MTOR: variants seen among roughly 807,000 people sequenced by gnomAD.
MTOR encodes the protein mechanistic target of rapamycin kinase.
Under a neutral mutation model 319.8 loss-of-function variants are expected in MTOR, and 70 were observed. The observed-to-expected ratio is 0.22, with a 90% confidence interval of 0.18 to 0.27. The LOEUF is 0.27. Ranked by LOEUF, MTOR falls within the 10% of genes least tolerant of loss-of-function variation. The pLI is 1.00. For synonymous variants in MTOR, 1,183 were observed against 1,211.4 expected (o/e 0.98, Z 0.49); for missense variants, 1,890 against 3,274.4 (o/e 0.58, Z 10.32).
Position 11,128,215 on chromosome 1 carries a change from G to T in MTOR, c.5911-89C>A. 1 of 1,542,822 alleles carries T rather than the reference G, an allele frequency of 6.5e-7. No individual in the cohort carries two copies. Among genetic ancestry groups the T allele is most frequent in the Non-Finnish European group, 8.8e-7 (1 of 1,132,626 alleles). ...TTTTAAGGAGAATAACAAAACAAGT[G>T]GTGAGTGTGACATTAACATCTGCTT... On this transcript the variant is annotated intron_variant, in intron 42 of 57. Coordinates refer to ENST00000361445, the MANE Select transcript of MTOR (RefSeq NM_004958.4). This position sits in a 1 kb window ranked among gnomAD's most constrained non-coding sequence, Gnocchi z 5.3.
chr1:11,228,808 G>A lies in MTOR; in HGVS notation c.2890C>T (p.Leu964Phe), dbSNP rs752774908. 1 of 1,614,218 alleles carries A rather than the reference G, an allele frequency of 6.2e-7. No homozygotes were observed. The highest frequency in any genetic ancestry group is 1.1e-5 in the South Asian group (1 of 91,084). ...ACAACCATGGTGTGATGATGAGAGAGTGACTGGTCTCGGAAGATCCGCATC... is the reference window on the plus strand; with the variant it reads ...ACAACCATGGTGTGATGATGAGAGAATGACTGGTCTCGGAAGATCCGCATC... ...ALMRIFRDQSLSHHHTMVVQA... is the reference protein window; with the variant it reads ...ALMRIFRDQSFSHHHTMVVQA... The change falls in exon 19 of 58, where the codon CTC becomes TTC. Residue 964 changes from leucine to phenylalanine, a missense_variant. By Grantham distance (22) the Leu-to-Phe change is conservative. This residue lies in a region of MTOR where 377 missense variants were observed against 653.9 expected (regional missense o/e 0.58). Coordinates refer to ENST00000361445, the MANE Select transcript of MTOR (RefSeq NM_004958.4).
chr1:11,153,339 A>G (rs1047616640), intron 30 of MTOR, among the ~76,000 whole-genome samples: 1 of 152,222 alleles, frequency 6.6e-6, no homozygotes, highest in African/African-American at 2.4e-5. Flanking sequence ...CAGAGCTCAG[A>G]TTATGAGAGA....
intron 19 of MTOR, among the ~76,000 whole-genome samples, chr1:11,223,559 T>C (rs1376829899): frequency 6.6e-6 from 1 of 152,040 alleles, no homozygotes; most frequent in African/African-American, 2.4e-5. Flanking sequence ...ATATAATAGG[T>C]TGTCTACTAT....
At chr1:11,237,056 T>C (rs778041141) in intron 13 of MTOR, among the ~76,000 whole-genome samples, 7 of 152,212 alleles carry the variant, frequency 4.6e-5, no homozygotes, top group Non-Finnish European at 8.8e-5. Flanking sequence ...TTTAAGTTCC[T>C]TATATGTTAT....
At chr1:11,119,695 G>A (rs547875488) in intron 49 of MTOR, among the ~76,000 whole-genome samples, 13 of 148,688 alleles carry the variant, frequency 8.7e-5, no homozygotes, top group African/African-American at 2.7e-4. Context: ...GTAGTGAGCC[G>A]AGATCGTGCT....
In MTOR at chr1:11,257,132, G is replaced by A; in HGVS notation, c.305C>T (p.Thr102Ile). 7 of 1,613,710 alleles carry A rather than the reference G, an allele frequency of 4.3e-6. No individual in the cohort carries two copies. Among genetic ancestry groups the A allele is most frequent in the Non-Finnish European group, 5.9e-6 (7 of 1,179,842 alleles). ...ATAGTTGGCAAATCTGCCAATTCGG[G>A]TGGCATTCCCACCTTCCACTCCTAT... ...SLIGVEGGNATRIGRFANYLR... is the reference protein window; with the variant it reads ...SLIGVEGGNAIRIGRFANYLR... Residue 102 changes from threonine to isoleucine, a missense_variant, in exon 4 of 58, where the codon ACC (threonine) becomes ATC (isoleucine). By Grantham distance (89) the Thr-to-Ile change is moderately conservative. Around this residue, in one of 15 missense-constraint regions of MTOR, gnomAD observed 81 missense variants for 203.6 expected, o/e 0.40. Coordinates refer to ENST00000361445, the MANE Select transcript of MTOR (RefSeq NM_004958.4).
At chr1:11,111,187 A>G (rs908789247) in intron 54 of MTOR, 14 of 455,286 alleles carry the variant, frequency 3.1e-5, no homozygotes, top group Admixed American at 1.4e-4. Context: ...ATAAGGATAA[A>G]TTACCCTTTG....
At chr1:11,224,049 A>AAAATAAAATAAAATG (rs1646752449) in intron 19 of MTOR, among the ~76,000 whole-genome samples, 1 of 136,584 alleles carries the variant, frequency 7.3e-6, no homozygotes, top group African/African-American at 3.0e-5. Context: ...AAAATAAAAT[A>AAAATAAAATAAAATG]AAATAAAATA....
At chr1:11,204,337 G>GTAA in intron 26 of MTOR, among the ~76,000 whole-genome samples, 2 of 152,244 alleles carry the variant, frequency 1.3e-5, no homozygotes, top group South Asian at 4.1e-4. Context: ...TAATTAAAAT[G>GTAA]TTAGACCTAA....
chr1:11,137,824 C>T (rs1643500644), intron 36 of MTOR, among the ~76,000 whole-genome samples: 1 of 152,206 alleles, frequency 6.6e-6, no homozygotes, highest in Non-Finnish European at 1.5e-5. Flanking sequence ...GTCTGCTTTT[C>T]CCACAAATAC....
chr1:11,108,998 A>C lies in MTOR; in HGVS notation c.7528+292T>G, dbSNP rs187986093. 2.2e-3 allele frequency among the ~76,000 whole-genome samples: 336 copies of C among 152,316 alleles called. 3 individuals carry two copies. The highest frequency in any genetic ancestry group is 3.9e-3 in the Non-Finnish European group (262 of 68,030). ...AGCAAAACTGTCTCAAACAAACAAA[A>C]AAAAGACATGATTAAAAAACACTTC... On this transcript the variant is annotated intron_variant, in intron 56 of 57. Transcript: ENST00000361445.
intron 19 of MTOR, among the ~76,000 whole-genome samples, chr1:11,218,757 C>G (rs1204581652): frequency 6.6e-6 from 1 of 152,116 alleles, no homozygotes; most frequent in African/African-American, 2.4e-5. Context: ...TCTTCCTTAG[C>G]CTTTCACATG....
At position 11,126,693 on chromosome 1, in the gene MTOR, C is replaced by A. The variant is rs764978010; in HGVS notation, c.6455G>T (p.Arg2152Leu). 1.2e-6 allele frequency: 2 copies of A among 1,613,768 alleles called. No homozygotes were observed. Among genetic ancestry groups the A allele is most frequent in the South Asian group, 1.1e-5 (1 of 91,076 alleles). ...CAAAGACGGTGCTATGGACTGAATG[C>A]GAATGATTGGCTGGTTGGGGTCATA... ...GTYDPNQPIIRIQSIAPSLQV... is the reference protein window; with the variant it reads ...GTYDPNQPIILIQSIAPSLQV... Residue 2152 changes from arginine (R) to leucine (L), a missense_variant, in exon 46 of 58, where the codon CGC (arginine) becomes CTC (leucine). This residue lies in a region of MTOR where 249 missense variants were observed against 596.2 expected (regional missense o/e 0.42). Coordinates refer to ENST00000361445, the MANE Select transcript of MTOR (RefSeq NM_004958.4).
At chr1:11,246,913 T>G (rs1479581034) in intron 8 of MTOR, among the ~76,000 whole-genome samples, 3 of 152,228 alleles carry the variant, frequency 2.0e-5, no homozygotes, top group Non-Finnish European at 2.9e-5. Context: ...TGGTTTCCAC[T>G]TATTAGGGCT....
intron 5 of MTOR, among the ~76,000 whole-genome samples, chr1:11,255,686 A>C (rs1005817340): frequency 2.0e-5 from 3 of 151,858 alleles, no homozygotes; most frequent in Non-Finnish European, 4.4e-5. Context: ...CCCTGTCTCT[A>C]TTACAAAAAT....
intron 28 of MTOR, among the ~76,000 whole-genome samples, chr1:11,190,519 G>A (rs1021850793): frequency 6.6e-6 from 1 of 152,114 alleles, no homozygotes; most frequent in Admixed American, 6.5e-5. Flanking sequence ...GGAAGGATGC[G>A]GCTCCTTAAG....
At chr1:11,148,941 T>TATAA (rs1490451327) in intron 31 of MTOR, among the ~76,000 whole-genome samples, 1 of 151,120 alleles carries the variant, frequency 6.6e-6, no homozygotes, top group Non-Finnish European at 1.5e-5. Flanking sequence ...TATATATATA[T>TATAA]AATTGGTAGA....
rs753208441 is a variant in MTOR at position 11,128,573 on chromosome 1, G to A, written c.5812-21C>T. The A allele has an allele frequency of 9.4e-6, 15 of 1,602,870 alleles. No homozygotes were observed. Among genetic ancestry groups the A allele is most frequent in the Non-Finnish European group, 1.1e-5 (13 of 1,169,890 alleles). ...ATAACCTGGTATTCAAAAAGACACA[G>A]TATGTAGCATATGAGACTTGAAACA... On this transcript the variant is annotated intron_variant, in intron 41 of 57. Transcript: ENST00000361445. This position sits in a 1 kb window ranked among gnomAD's most constrained non-coding sequence, Gnocchi z 5.3.
Position 11,260,413 on chromosome 1 carries a change from G to A in MTOR, c.-14-990C>T, listed in dbSNP as rs577619796. On this transcript the variant is annotated intron_variant, in intron 1 of 57. Coordinates refer to ENST00000361445, the MANE Select transcript of MTOR (RefSeq NM_004958.4). Reference sequence around the variant, plus strand: ...CAAAATTAGCCAGGCGTGGCAGTGCGTGCCTGTAACCCCAGCTACTTGGGA... The same window carrying A: ...CAAAATTAGCCAGGCGTGGCAGTGCATGCCTGTAACCCCAGCTACTTGGGA... Among the ~76,000 whole-genome samples, 57 of 152,138 alleles carry A rather than the reference G, an allele frequency of 3.7e-4. 2 individuals are homozygous for A. Among genetic ancestry groups the A allele is most frequent in the South Asian group, 3.1e-3 (15 of 4,814 alleles).
Sources: gnomAD v4.1 joint callset for allele counts (sites outside exome capture counted in the v4.1 genomes callset) on GRCh38, gnomAD v4.1.1 for gene constraint, gnomAD v4.1.1 regional missense constraint, Gnocchi (gnomAD v3.1) non-coding constraint, MANE v1.5 for transcripts, NCBI Gene and HGNC (gene_info 2026-07-23, HGNC 2026-07-21) for gene names.